The following FFAR4 variants were observed in gnomAD, a reference collection of about 807,000 sequenced individuals.
The protein encoded by FFAR4 is G-protein coupled receptor 120.
In FFAR4, 19 loss-of-function variants were observed where a neutral mutation model predicts 27.0. The ratio of observed to expected loss-of-function variants is 0.70; its 90% CI spans 0.49 to 1.03. FFAR4 has a LOEUF of 1.03. FFAR4 is among the 50% of genes least tolerant of loss of function. The pLI is 0.00. For missense variants in FFAR4, 476 were observed against 479.0 expected (o/e 0.99, Z 0.06); for synonymous variants, 254 against 215.6 (o/e 1.18, Z -1.56).
Position 93,587,356 on chromosome 10 carries a change from G to T in FFAR4, c.833G>T (p.Ser278Ile). ...ATGGTCTCCTTCTTCATCATGTGGA[G>T]CCCCATCATCATCACCATCCTCCTC... is the stretch of plus-strand genomic sequence containing the variant. The part of the protein sequence containing the change: ...LLMVSFFIMW[S>I]PIIITILLIL... The change falls in exon 3 of 3, where the codon AGC becomes ATC. Residue 278 changes from serine to isoleucine, a missense_variant. Coordinates refer to ENST00000371481, the MANE Select transcript of FFAR4 (RefSeq NM_001195755.2). The T allele has an allele frequency of 6.2e-7, 1 of 1,614,010 alleles. No individual in the cohort carries two copies. The highest frequency in any genetic ancestry group is 8.5e-7 in the Non-Finnish European group (1 of 1,180,008).
chr10:93,571,341 C>T lies in FFAR4; in HGVS notation c.567+4054C>T, dbSNP rs1016781835. 4.6e-5 allele frequency among the ~76,000 whole-genome samples: 7 copies of T among 152,186 alleles called. No individual in the cohort carries two copies. The East Asian group carries it at 5.8e-4, about 13-fold the overall frequency. On this transcript the variant is annotated intron_variant, in intron 1 of 2. Transcript: ENST00000371481. ...CCCCTCTTGCCCCTGCCACAAATCA[C>T]GTAAATCCACCTCCTTCTCTTCAAG...
chr10:93,584,519 G>A (rs1372903547), intron 2 of FFAR4, among the ~76,000 whole-genome samples: 1 of 152,204 alleles, frequency 6.6e-6, no homozygotes, highest in African/African-American at 2.4e-5. Flanking sequence ...AGAAGTAAAT[G>A]TGCGGCACAG....
At position 93,567,005 on chromosome 10, in the gene FFAR4, G is replaced by T. The variant is rs1188211483; in HGVS notation, c.285G>T (p.Val95=). 6.2e-7 allele frequency: 1 copy of T among 1,611,880 alleles called. No individual in the cohort carries two copies. The change falls in exon 1 of 3, where the codon GTG becomes GTT. Residue 95 remains valine (V), a synonymous_variant. Coordinates refer to ENST00000371481, the MANE Select transcript of FFAR4 (RefSeq NM_001195755.2). ...TCTTCATCAGCGCTATCCCTCTGGTGCTGGCCGTGCGCTGGACTGAGGCCT... is the reference window on the plus strand; with the variant it reads ...TCTTCATCAGCGCTATCCCTCTGGTTCTGGCCGTGCGCTGGACTGAGGCCT... The part of the protein sequence containing the change: ...DLLFISAIPL[V]LAVRWTEAWL...
At position 93,566,999 on chromosome 10, in the gene FFAR4, T is replaced by A; in HGVS notation, c.279T>A (p.Pro93=). The part of the protein sequence containing the change: ...CADLLFISAI[P]LVLAVRWTEA... Reference sequence around the variant, plus strand: ...ACCTGCTCTTCATCAGCGCTATCCCTCTGGTGCTGGCCGTGCGCTGGACTG... The same window carrying A: ...ACCTGCTCTTCATCAGCGCTATCCCACTGGTGCTGGCCGTGCGCTGGACTG... The change falls in exon 1 of 3, where the codon CCT becomes CCA. Residue 93 remains proline, a synonymous_variant. Coordinates refer to ENST00000371481, the MANE Select transcript of FFAR4 (RefSeq NM_001195755.2). 6.2e-7 allele frequency: 1 copy of A among 1,611,792 alleles called. No homozygotes were observed. Among genetic ancestry groups the A allele is most frequent in the South Asian group, 1.1e-5 (1 of 91,074 alleles).
chr10:93,578,505 G>A (rs1450459867), intron 2 of FFAR4, among the ~76,000 whole-genome samples: 1 of 151,884 alleles, frequency 6.6e-6, no homozygotes, highest in South Asian at 2.1e-4. Flanking sequence ...TAATAATCTG[G>A]GTTTGAGTCT....
At chr10:93,567,412 C>T in intron 1 of FFAR4, 125 bp downstream of exon 1, 1 of 828,968 alleles carries the variant, frequency 1.2e-6, no homozygotes, top group South Asian at 1.8e-5. Flanking sequence ...AATCGTTGTG[C>T]CAAATCTTGT....
At chr10:93,586,981 G>A (rs2058230933) in intron 2 of FFAR4, among the ~76,000 whole-genome samples, 2 of 152,130 alleles carry the variant, frequency 1.3e-5, no homozygotes, top group South Asian at 4.1e-4. Flanking sequence ...ACCCAATTCA[G>A]GCTTTTCACT....
intron 1 of FFAR4, among the ~76,000 whole-genome samples, chr10:93,573,544 C>G (rs542927574): frequency 6.6e-6 from 1 of 152,178 alleles, no homozygotes; most frequent in Non-Finnish European, 1.5e-5. Context: ...CAACTTGGAT[C>G]TCTGTGGGCA....
At chr10:93,581,421 T>C (rs2058196600) in intron 2 of FFAR4, among the ~76,000 whole-genome samples, 1 of 152,182 alleles carries the variant, frequency 6.6e-6, no homozygotes, top group Non-Finnish European at 1.5e-5. Context: ...AGGCTGTTGA[T>C]TGACCAAGCA....
rs2058235199 is a variant in FFAR4 at position 93,587,415 on chromosome 10, A to T, written c.892A>T (p.Ile298Phe). The change falls in exon 3 of 3, where the codon ATC (isoleucine) becomes TTC (phenylalanine). Residue 298 changes from isoleucine (I) to phenylalanine (F), a missense_variant. Physicochemically the swap from Ile to Phe is conservative, Grantham distance 21 (BLOSUM62 0). Coordinates refer to ENST00000371481, the MANE Select transcript of FFAR4 (RefSeq NM_001195755.2). ...CCAGAACTTCAAGCAAGACCTGGTC[A>T]TCTGGCCGTCCCTCTTCTTCTGGGT... ...LIQNFKQDLVIWPSLFFWVVA... is the reference protein window; with the variant it reads ...LIQNFKQDLVFWPSLFFWVVA... The T allele has an allele frequency of 1.9e-6, 3 of 1,613,788 alleles. No homozygotes were observed. Among genetic ancestry groups the T allele is most frequent in the Non-Finnish European group, 1.7e-6 (2 of 1,179,986 alleles).
In FFAR4 at chr10:93,580,013, C is replaced by T. The variant is rs569175479; in HGVS notation, c.696+3794C>T. On this transcript the variant is annotated intron_variant, in intron 2 of 2. Transcript: ENST00000371481. ...CTTTCCACGTTATTAGCAAAATCCACTGTTGCCCATTTCCCAGGAGGACTA... is the reference window on the plus strand; with the variant it reads ...CTTTCCACGTTATTAGCAAAATCCATTGTTGCCCATTTCCCAGGAGGACTA... Among the ~76,000 whole-genome samples, 6 of 152,308 alleles carry T rather than the reference C, an allele frequency of 3.9e-5. No homozygotes were observed. The East Asian group carries it at 1.2e-3, about 29-fold the overall frequency.
At chr10:93,567,365 G>A (rs2058105281) in intron 1 of FFAR4, 78 bp downstream of exon 1, 1 of 1,284,222 alleles carries the variant, frequency 7.8e-7, no homozygotes, top group Middle Eastern at 2.0e-4. Context: ...GCTGGGATGA[G>A]GATGATCAAG....
At chr10:93,570,418 G>A (rs2058125485) in intron 1 of FFAR4, among the ~76,000 whole-genome samples, 1 of 150,924 alleles carries the variant, frequency 6.6e-6, no homozygotes, top group African/African-American at 2.4e-5. Flanking sequence ...TAGACTGACT[G>A]AGTCTCACAT....
chr10:93,567,592 C>T (rs1564780733), intron 1 of FFAR4, among the ~76,000 whole-genome samples: 1 of 152,146 alleles, frequency 6.6e-6, no homozygotes, highest in Non-Finnish European at 1.5e-5. Context: ...TGCAGGGTGG[C>T]CAAACACTTT....
At chr10:93,581,919 G>C (rs2058199585) in intron 2 of FFAR4, among the ~76,000 whole-genome samples, 2 of 152,166 alleles carry the variant, frequency 1.3e-5, no homozygotes, top group South Asian at 4.1e-4. Flanking sequence ...CTACTTGACT[G>C]TGAGGCTCAA....
chr10:93,582,671 T>C (rs1162594811), intron 2 of FFAR4, among the ~76,000 whole-genome samples: 1 of 152,092 alleles, frequency 6.6e-6, no homozygotes, highest in African/African-American at 2.4e-5. Context: ...GACACAGGCA[T>C]GCCTTGCTTC....
At chr10:93,575,248 C>T (rs1426084792) in intron 1 of FFAR4, among the ~76,000 whole-genome samples, 1 of 152,154 alleles carries the variant, frequency 6.6e-6, no homozygotes, top group East Asian at 1.9e-4. Context: ...GTCAAGTGGG[C>T]ATAGGAAGTT....
At chr10:93,583,544 G>A (rs1347147733) in intron 2 of FFAR4, among the ~76,000 whole-genome samples, 1 of 152,204 alleles carries the variant, frequency 6.6e-6, no homozygotes, top group East Asian at 1.9e-4. Context: ...CCTTCTCAGA[G>A]TTCCTGGCAT....
chr10:93,584,713 G>GT (rs113905155), intron 2 of FFAR4, among the ~76,000 whole-genome samples: 21,547 of 146,360 alleles, frequency 0.15, 2,229 homozygotes, highest in African/African-American at 0.3. Context: ...ACAAGTTTTT[G>GT]TTTTTTTTTT....
Sources: allele counts gnomAD v4.1 joint callset (sites outside exome capture counted in the v4.1 genomes callset), GRCh38; gene constraint gnomAD v4.1.1; transcripts MANE v1.5; gene names NCBI Gene and HGNC (gene_info 2026-07-23, HGNC 2026-07-21).